Variants in CSMD1 observed in about 807,000 individuals in gnomAD.
CSMD1 encodes CUB and sushi domain-containing protein 1.
In CSMD1, 213 loss-of-function variants were observed where a neutral mutation model predicts 417.5. The ratio of observed to expected loss-of-function variants is 0.51; its 90% CI spans 0.46 to 0.57. The LOEUF (loss-of-function observed/expected upper bound fraction) is 0.57, where lower values mean the gene tolerates loss of function less well. Ranked by LOEUF, CSMD1 falls within the 20% of genes least tolerant of loss-of-function variation. CSMD1 has a pLI of 0.00. For missense variants in CSMD1, 6,923 were observed against 4,529.7 expected (o/e 1.53, Z -15.17); for synonymous variants, 2,862 against 1,736.8 (o/e 1.65, Z -16.11).
chr8:3,569,430 C>G (rs1014329702), intron 10 of CSMD1, among the ~76,000 whole-genome samples: 1 of 152,112 alleles, frequency 6.6e-6, no homozygotes, highest in Non-Finnish European at 1.5e-5. Context: ...GAGTATGAAT[C>G]AAGAGAGGAT....
At chr8:4,907,461 C>G (rs749177552) in intron 1 of CSMD1, among the ~76,000 whole-genome samples, 1 of 152,104 alleles carries the variant, frequency 6.6e-6, no homozygotes, top group Non-Finnish European at 1.5e-5. Flanking sequence ...AGCATCTGTA[C>G]CTTTAAAATA....
At chr8:4,332,217 C>G (rs1799905290) in intron 3 of CSMD1, among the ~76,000 whole-genome samples, 1 of 151,980 alleles carries the variant, frequency 6.6e-6, no homozygotes, top group Non-Finnish European at 1.5e-5. Flanking sequence ...AGGTGCGGAT[C>G]CCTCACGAAG....
intron 2 of CSMD1, among the ~76,000 whole-genome samples, chr8:4,455,674 T>C (rs564090638): frequency 6.6e-6 from 1 of 151,978 alleles, no homozygotes; most frequent in African/African-American, 2.4e-5. Context: ...CTCACCCCTG[T>C]AATCTCAGCA....
chr8:3,466,142 G>C (rs1016468681), intron 12 of CSMD1, among the ~76,000 whole-genome samples: 3 of 151,844 alleles, frequency 2.0e-5, no homozygotes, highest in Non-Finnish European at 4.4e-5. Context: ...TGTGTTATGA[G>C]CCTTACATGT....
At chr8:4,786,085 T>A (rs1797386350) in intron 1 of CSMD1, among the ~76,000 whole-genome samples, 1 of 151,264 alleles carries the variant, frequency 6.6e-6, no homozygotes, top group African/African-American at 2.4e-5. Context: ...AAATGGCTAC[T>A]GTGCAGATGT....
At chr8:3,694,977 T>C (rs917006249) in intron 7 of CSMD1, among the ~76,000 whole-genome samples, 4 of 151,954 alleles carry the variant, frequency 2.6e-5, no homozygotes, top group African/African-American at 9.7e-5. Flanking sequence ...AATTGTATCC[T>C]ACCTGAGTTT....
At chr8:3,606,469 T>C (rs60745881) in intron 8 of CSMD1, among the ~76,000 whole-genome samples, 6,184 of 151,160 alleles carry the variant, frequency 0.041, 400 homozygotes, top group African/African-American at 0.14. Context: ...AGAAAAGATA[T>C]GGTATGAAAG....
chr8:3,223,927 A>T, intron 27 of CSMD1, 60 bp from the exon 28 acceptor site: 1 of 1,562,508 alleles, frequency 6.4e-7, no homozygotes, highest in Non-Finnish European at 8.8e-7. Flanking sequence ...CCTGCCAGTC[A>T]GTGTGGAAGG....
intron 2 of CSMD1, among the ~76,000 whole-genome samples, chr8:4,443,302 A>G (rs780110131): frequency 7.9e-5 from 12 of 152,148 alleles, no homozygotes; most frequent in Non-Finnish European, 1.3e-4. Context: ...TCGCTAGAAA[A>G]TAAACTTAAC....
intron 1 of CSMD1, among the ~76,000 whole-genome samples, chr8:4,725,580 A>G (rs570035108): frequency 6.6e-6 from 1 of 152,274 alleles, no homozygotes; most frequent in East Asian, 1.9e-4. Flanking sequence ...GTATTTCAGA[A>G]GCAACATGGG....
intron 2 of CSMD1, among the ~76,000 whole-genome samples, chr8:4,502,785 C>A (rs1445832906): frequency 6.6e-6 from 1 of 152,122 alleles, no homozygotes; most frequent in East Asian, 1.9e-4. Context: ...AAGAGCATGA[C>A]CAATCTGTTG....
chr8:4,066,698 A>T (rs1363745270), intron 3 of CSMD1, among the ~76,000 whole-genome samples: 1 of 152,148 alleles, frequency 6.6e-6, no homozygotes, highest in Non-Finnish European at 1.5e-5. Context: ...ACCTGAAATT[A>T]GATGATAGTA....
chr8:3,986,796 C>T (rs1477588515), intron 5 of CSMD1, among the ~76,000 whole-genome samples: 4 of 151,978 alleles, frequency 2.6e-5, no homozygotes, highest in East Asian at 3.9e-4. Flanking sequence ...CACCCTGTTG[C>T]CCAGGCTGGA....
intron 3 of CSMD1, among the ~76,000 whole-genome samples, chr8:4,286,490 G>C (rs1028855996): frequency 1.3e-5 from 2 of 152,000 alleles, no homozygotes; most frequent in African/African-American, 2.4e-5. Flanking sequence ...TTAATAAGAC[G>C]GTTGTGGCAC....
At chr8:4,840,050 G>C (rs759973813) in intron 1 of CSMD1, among the ~76,000 whole-genome samples, 2 of 129,564 alleles carry the variant, frequency 1.5e-5, no homozygotes, top group Admixed American at 8.2e-5. Flanking sequence ...CACAGCTATG[G>C]CTTTCCTCGG....
chr8:3,396,609 A>C (rs541027085), intron 16 of CSMD1, among the ~76,000 whole-genome samples: 2 of 152,186 alleles, frequency 1.3e-5, no homozygotes, highest in Admixed American at 1.3e-4. Flanking sequence ...TCTGTCTTAC[A>C]ATATTACAGA....
At chr8:4,426,872 G>A (rs1158347732) in intron 2 of CSMD1, among the ~76,000 whole-genome samples, 2 of 151,532 alleles carry the variant, frequency 1.3e-5, no homozygotes, top group African/African-American at 4.8e-5. Flanking sequence ...TTCAAAAGTG[G>A]GAAGGGGTAT....
intron 23 of CSMD1, among the ~76,000 whole-genome samples, chr8:3,318,640 C>T (rs1293141338): frequency 6.6e-6 from 1 of 152,194 alleles, no homozygotes; most frequent in Non-Finnish European, 1.5e-5. Flanking sequence ...CCCTTTGGGA[C>T]TCAGAGTTTA....
chr8:3,042,879 T>C (rs984029081), intron 50 of CSMD1, among the ~76,000 whole-genome samples: 17 of 152,194 alleles, frequency 1.1e-4, no homozygotes, highest in African/African-American at 3.1e-4. Context: ...AGTACTATAG[T>C]GAATATAGTA....
Sources: allele counts gnomAD v4.1 joint callset (sites outside exome capture counted in the v4.1 genomes callset), GRCh38; gene constraint gnomAD v4.1.1; transcripts MANE v1.5; gene names NCBI Gene and HGNC (gene_info 2026-07-23, HGNC 2026-07-21).